The following DCUN1D3 variants were observed in gnomAD, a reference collection of about 807,000 sequenced individuals.
DCUN1D3 encodes defective in cullin neddylation 1 domain containing 3.
DCUN1D3 carries 6 observed loss-of-function variants against 24.8 expected under a neutral mutation model. The ratio of observed to expected loss-of-function variants is 0.24; its 90% CI spans 0.13 to 0.48. The LOEUF is 0.48. DCUN1D3 is among the 20% of genes least tolerant of loss of function. The pLI is 0.99. For synonymous variants in DCUN1D3, 120 were observed against 144.9 expected, an observed-to-expected ratio of 0.83 and a Z score of 1.24; for missense variants, 258 against 379.4, an observed-to-expected ratio of 0.68 and a Z score of 2.66.
chr16:20,889,246 G>T (rs1449581280), intron 1 of DCUN1D3, among the ~76,000 whole-genome samples: 1 of 145,984 alleles, frequency 6.9e-6, no homozygotes, highest in Non-Finnish European at 1.5e-5. Flanking sequence ...AAAAAAATTA[G>T]CCAGGCGTGG....
chr16:20,898,713 C>T (rs1392957441), intron 1 of DCUN1D3, among the ~76,000 whole-genome samples: 2 of 152,220 alleles, frequency 1.3e-5, no homozygotes, highest in Admixed American at 1.3e-4. Flanking sequence ...TACAGAAGGA[C>T]AGGACTTACG....
chr16:20,878,286 C>T (rs1484208640), intron 1 of DCUN1D3, among the ~76,000 whole-genome samples: 22 of 152,206 alleles, frequency 1.4e-4, no homozygotes, highest in Admixed American at 1.4e-3. Flanking sequence ...CTCCTCACTT[C>T]ACAAGCTAAT....
In DCUN1D3 at chr16:20,855,761, C is replaced by T. The variant is rs1252523879; in HGVS notation, c.*4125G>A. On this transcript the variant is annotated 3_prime_UTR_variant, in exon 3 of 3. Coordinates refer to ENST00000324344, the MANE Select transcript of DCUN1D3 (RefSeq NM_173475.4). ...TCTGAGGGGGATGGATGGTTCGGAA[C>T]CTTCTTTATATGATCAGAAAACACA... is the stretch of plus-strand genomic sequence containing the variant. 1 of 152,230 alleles carries T rather than the reference C, an allele frequency of 6.6e-6. No individual in the cohort carries two copies. Among genetic ancestry groups the T allele is most frequent in the Non-Finnish European group, 1.5e-5 (1 of 68,066 alleles). 9.4% of individuals were successfully genotyped at this position (152,230 alleles called of 1,614,324 possible).
chr16:20,883,396 C>T (rs1037619925), intron 1 of DCUN1D3, among the ~76,000 whole-genome samples: 5 of 152,042 alleles, frequency 3.3e-5, no homozygotes, highest in African/African-American at 1.2e-4. Context: ...ACCTGTAGTC[C>T]CAGCTACTAG....
At chr16:20,880,335 C>T (rs1368750582) in intron 1 of DCUN1D3, among the ~76,000 whole-genome samples, 6 of 152,136 alleles carry the variant, frequency 3.9e-5, no homozygotes. Context: ...TGCGAAGGCT[C>T]ACACCTGCAG....
At chr16:20,895,600 G>T (rs536283746) in intron 1 of DCUN1D3, among the ~76,000 whole-genome samples, 1 of 152,308 alleles carries the variant, frequency 6.6e-6, no homozygotes, top group Admixed American at 6.5e-5. Context: ...ATACCAAGGG[G>T]ATGTAAATAT....
At chr16:20,875,642 G>T (rs949942606) in intron 1 of DCUN1D3, among the ~76,000 whole-genome samples, 2 of 152,172 alleles carry the variant, frequency 1.3e-5, no homozygotes, top group Non-Finnish European at 2.9e-5. Flanking sequence ...GTGGATTGAA[G>T]ATTTAAATAT....
Position 20,880,670 on chromosome 16 carries a change from C to G in DCUN1D3, c.-105-18027G>C, listed in dbSNP as rs554256206. Among the ~76,000 whole-genome samples the G allele has an allele frequency of 6.1e-5, 9 of 147,126 alleles. No individual in the cohort carries two copies. The South Asian group carries it at 2.0e-3, about 32-fold the overall frequency. On this transcript the variant is annotated intron_variant, in intron 1 of 2. Coordinates refer to ENST00000324344, the MANE Select transcript of DCUN1D3 (RefSeq NM_173475.4). Reference sequence around the variant, plus strand: ...AGAAAAGAAAATGGCTAACTGGCATCTAAGAGATACTTTCTAAAGAATCAA... The same window carrying G: ...AGAAAAGAAAATGGCTAACTGGCATGTAAGAGATACTTTCTAAAGAATCAA...
At chr16:20,894,980 C>T (rs149424709) in intron 1 of DCUN1D3, among the ~76,000 whole-genome samples, 1 of 152,056 alleles carries the variant, frequency 6.6e-6, no homozygotes, top group African/African-American at 2.4e-5. Flanking sequence ...GCAGATTCGA[C>T]CAACCATGGG....
In DCUN1D3 at chr16:20,862,633, A is replaced by G; in HGVS notation, c.-95T>C. On this transcript the variant is annotated 5_prime_UTR_variant, in exon 2 of 3. Transcript: ENST00000324344. ...ACCTCAACATGCCATCAGCCAGAGG[A>G]GCCAGCCAACCTGGAAGGAAATTAG... 2 of 1,518,176 alleles carry G rather than the reference A, an allele frequency of 1.3e-6. No individual in the cohort carries two copies. Among genetic ancestry groups the G allele is most frequent in the Non-Finnish European group, 1.7e-6 (2 of 1,143,988 alleles). The allele number at this position is 1,518,176 out of a possible 1,614,324, so 94.0% of individuals were successfully genotyped here.
At chr16:20,874,449 A>G (rs2081804293) in intron 1 of DCUN1D3, among the ~76,000 whole-genome samples, 1 of 152,186 alleles carries the variant, frequency 6.6e-6, no homozygotes, top group Non-Finnish European at 1.5e-5. Flanking sequence ...TTGTGTACAT[A>G]TTTGCTGTCA....
At chr16:20,863,030 C>T (rs2081741789) in intron 1 of DCUN1D3, among the ~76,000 whole-genome samples, 1 of 152,188 alleles carries the variant, frequency 6.6e-6, no homozygotes, top group Non-Finnish European at 1.5e-5. Context: ...AAGGGTTCAT[C>T]TTCTAATTCC....
intron 1 of DCUN1D3, among the ~76,000 whole-genome samples, chr16:20,882,461 C>G (rs1015589931): frequency 1.3e-5 from 2 of 151,454 alleles, no homozygotes; most frequent in Non-Finnish European, 2.9e-5. Flanking sequence ...GACGGGGTAT[C>G]TCCATGTTGG....
chr16:20,891,375 G>T (rs531027624), intron 1 of DCUN1D3, among the ~76,000 whole-genome samples: 1 of 152,172 alleles, frequency 6.6e-6, no homozygotes, highest in Admixed American at 6.5e-5. Context: ...TAACTGTTCC[G>T]TTTGGATAGC....
chr16:20,886,067 A>AT (rs1169703791), intron 1 of DCUN1D3, among the ~76,000 whole-genome samples: 4 of 151,782 alleles, frequency 2.6e-5, no homozygotes, highest in South Asian at 4.2e-4. Flanking sequence ...TTTCATTGAA[A>AT]AAAAAAAAAA....
intron 1 of DCUN1D3, among the ~76,000 whole-genome samples, chr16:20,892,209 GAAC>G (rs2081895321): frequency 6.6e-6 from 1 of 152,136 alleles, no homozygotes; most frequent in African/African-American, 2.4e-5. Context: ...CTATTTCAAA[GAAC>G]AACTAAATTT....
intron 1 of DCUN1D3, among the ~76,000 whole-genome samples, chr16:20,870,196 A>G (rs2152516833): frequency 6.6e-6 from 1 of 152,244 alleles, no homozygotes; most frequent in Middle Eastern, 3.4e-3. Context: ...CTTTTTTGGC[A>G]TTCAGTGAGG....
At chr16:20,867,344 T>C (rs564192401) in intron 1 of DCUN1D3, among the ~76,000 whole-genome samples, 2 of 152,214 alleles carry the variant, frequency 1.3e-5, no homozygotes, top group Admixed American at 6.5e-5. Flanking sequence ...AGAGAACACA[T>C]GGTCTGTGCT....
At chr16:20,897,749 A>G (rs893600501) in intron 1 of DCUN1D3, among the ~76,000 whole-genome samples, 1 of 152,214 alleles carries the variant, frequency 6.6e-6, no homozygotes, top group Non-Finnish European at 1.5e-5. Context: ...TGTGTCCTCA[A>G]TTGAACATCC....
Sources: allele counts gnomAD v4.1 joint callset (sites outside exome capture counted in the v4.1 genomes callset), GRCh38; gene constraint gnomAD v4.1.1; transcripts MANE v1.5; gene names NCBI Gene and HGNC (gene_info 2026-07-23, HGNC 2026-07-21).